The following MICU2 variants were observed in gnomAD, a reference collection of about 807,000 sequenced individuals.
MICU2 encodes calcium uptake protein 2, mitochondrial.
A neutral mutation model predicts 60.4 loss-of-function variants in MICU2; 64 were observed. That is an observed-to-expected ratio of 1.06 (90% CI 0.87 to 1.31). MICU2 has a LOEUF of 1.31. MICU2 is among the 50% of genes most tolerant of loss of function. The pLI, the probability that MICU2 is intolerant of heterozygous loss-of-function variation, is 0.00. For missense variants in MICU2, 569 were observed against 531.0 expected, an observed-to-expected ratio of 1.07 and a Z score of -0.70; for synonymous variants, 201 against 175.0, an observed-to-expected ratio of 1.15 and a Z score of -1.17.
intron 6 of MICU2, among the ~76,000 whole-genome samples, chr13:21,517,313 T>C (rs7321991): frequency 0.016 from 2,421 of 152,348 alleles, 62 homozygotes; most frequent in African/African-American, 0.056. Context: ...ATGTTTTAGG[T>C]ATTAAAGTGA....
chr13:21,595,138 C>T (rs1446550732), intron 1 of MICU2, among the ~76,000 whole-genome samples: 1 of 152,096 alleles, frequency 6.6e-6, no homozygotes, highest in Non-Finnish European at 1.5e-5. Context: ...TGGGGGTTTC[C>T]TTGCTTCTTG....
At chr13:21,530,880 C>G in intron 4 of MICU2, 1 of 756,952 alleles carries the variant, frequency 1.3e-6, no homozygotes. Context: ...ACGTCCTGTA[C>G]AGCGACAGAG....
chr13:21,549,051 A>G (rs987044175), intron 2 of MICU2, among the ~76,000 whole-genome samples: 36 of 147,254 alleles, frequency 2.4e-4, no homozygotes, highest in African/African-American at 8.8e-4. Context: ...TCAGCCTCCC[A>G]AGTAGCTGGG....
chr13:21,590,921 T>G (rs1045058512), intron 1 of MICU2, among the ~76,000 whole-genome samples: 3 of 152,028 alleles, frequency 2.0e-5, no homozygotes, highest in Admixed American at 2.0e-4. Flanking sequence ...TACCAGCCAG[T>G]GCAAAAACAC....
intron 2 of MICU2, among the ~76,000 whole-genome samples, chr13:21,541,791 G>A (rs1051320285): frequency 6.6e-5 from 10 of 152,254 alleles, no homozygotes; most frequent in Non-Finnish European, 1.2e-4. Context: ...TGCATGGTAC[G>A]ATTATAGAGG....
At chr13:21,524,298 CA>C (rs1886795683) in intron 4 of MICU2, among the ~76,000 whole-genome samples, 1 of 152,106 alleles carries the variant, frequency 6.6e-6, no homozygotes, top group East Asian at 1.9e-4. Flanking sequence ...CAATAATTAT[CA>C]ATTCATGGCA....
At chr13:21,579,129 A>G (rs1309879101) in intron 1 of MICU2, among the ~76,000 whole-genome samples, 1 of 152,234 alleles carries the variant, frequency 6.6e-6, no homozygotes, top group African/African-American at 2.4e-5. Flanking sequence ...ATGTACTTAC[A>G]GGAAATGAGC....
chr13:21,549,332 G>A (rs1378571117), intron 2 of MICU2, among the ~76,000 whole-genome samples: 1 of 152,142 alleles, frequency 6.6e-6, no homozygotes, highest in African/African-American at 2.4e-5. Context: ...CAGTTTTACA[G>A]AGCAGGAAGA....
At chr13:21,508,132 T>C (rs909932797) in intron 8 of MICU2, among the ~76,000 whole-genome samples, 2 of 150,684 alleles carry the variant, frequency 1.3e-5, no homozygotes, top group East Asian at 1.9e-4. Flanking sequence ...TTCTTTCTTT[T>C]TTTTTTTTTT....
chr13:21,597,602 T>G (rs1888721404), intron 1 of MICU2, among the ~76,000 whole-genome samples: 1 of 152,160 alleles, frequency 6.6e-6, no homozygotes, highest in Admixed American at 6.5e-5. Context: ...GAGGCCATTC[T>G]AGTAAGGGGA....
chr13:21,556,115 C>T (rs910691010), intron 2 of MICU2, among the ~76,000 whole-genome samples: 1 of 152,034 alleles, frequency 6.6e-6, no homozygotes, highest in Non-Finnish European at 1.5e-5. Context: ...TTTGTTTTTC[C>T]CCCATTTTTT....
At chr13:21,601,096 G>A (rs1350127239) in intron 1 of MICU2, among the ~76,000 whole-genome samples, 3 of 152,010 alleles carry the variant, frequency 2.0e-5, no homozygotes, top group East Asian at 1.9e-4. Flanking sequence ...AGGCCCGGCC[G>A]GACATATTCA....
intron 1 of MICU2, among the ~76,000 whole-genome samples, chr13:21,584,719 A>G (rs2138061954): frequency 6.6e-6 from 1 of 152,304 alleles, no homozygotes; most frequent in East Asian, 1.9e-4. Context: ...TTATTTATGA[A>G]GTTATTGAGA....
chr13:21,518,409 C>T (rs1886634425), intron 6 of MICU2, among the ~76,000 whole-genome samples: 1 of 152,180 alleles, frequency 6.6e-6, no homozygotes, highest in South Asian at 2.1e-4. Context: ...AACATTACCA[C>T]AGTGCATCAA....
chr13:21,510,364 A>G (rs1465628947), intron 7 of MICU2, among the ~76,000 whole-genome samples: 1 of 152,218 alleles, frequency 6.6e-6, no homozygotes, highest in Non-Finnish European at 1.5e-5. Flanking sequence ...ATCTTAGATC[A>G]GGCCAAAAAG....
At chr13:21,599,250 C>A (rs1888763348) in intron 1 of MICU2, among the ~76,000 whole-genome samples, 1 of 152,352 alleles carries the variant, frequency 6.6e-6, no homozygotes, top group East Asian at 1.9e-4. Context: ...ACCTTTGCAA[C>A]TCTAAAACTC....
At chr13:21,547,644 A>T (rs1202282008) in intron 2 of MICU2, among the ~76,000 whole-genome samples, 1 of 152,172 alleles carries the variant, frequency 6.6e-6, no homozygotes, top group Non-Finnish European at 1.5e-5. Context: ...GTTTGTACTG[A>T]TTGATGTATT....
In MICU2 at chr13:21,537,338, CT is replaced by C. The variant is rs549270485; in HGVS notation, c.466+1963del. On this transcript the variant is annotated intron_variant, in intron 4 of 11. Coordinates refer to ENST00000382374, the MANE Select transcript of MICU2 (RefSeq NM_152726.3). The stretch of plus-strand genomic sequence containing the variant: ...GACTCATTCTTTCATAATCTATGTT[CT>C]CTTCTAGTCCTTGAAGGATTCCCAG... Among the ~76,000 whole-genome samples the C allele has an allele frequency of 1.3e-4, 20 of 152,298 alleles. No homozygotes were observed. In the South Asian group the frequency reaches 4.1e-3, roughly 32 times the overall value.
chr13:21,579,465 T>A (rs920316027), intron 1 of MICU2, among the ~76,000 whole-genome samples: 2 of 151,724 alleles, frequency 1.3e-5, no homozygotes, highest in East Asian at 2.0e-4. Context: ...CTCAGCCTCC[T>A]GAGTAGCTGG....
Sources: gnomAD v4.1 joint callset for allele counts (sites outside exome capture counted in the v4.1 genomes callset) on GRCh38, gnomAD v4.1.1 for gene constraint, MANE v1.5 for transcripts, NCBI Gene and HGNC (gene_info 2026-07-23, HGNC 2026-07-21) for gene names.